MYO9A: variants seen among roughly 807,000 people sequenced by gnomAD.
MYO9A encodes the protein myosin IXA.
MYO9A carries 103 observed loss-of-function variants against 293.3 expected under a neutral mutation model. The ratio of observed to expected loss-of-function variants is 0.35; its 90% CI spans 0.30 to 0.41. The LOEUF is 0.41. Among genes scored for constraint, MYO9A ranks in the 10% least tolerant of loss-of-function variants. The pLI is 1.00. For synonymous variants in MYO9A, 1,001 were observed against 1,035.7 expected, an observed-to-expected ratio of 0.97 and a Z score of 0.64; for missense variants, 2,685 against 3,033.0, an observed-to-expected ratio of 0.89 and a Z score of 2.69.
intron 2 of MYO9A, chr15:72,041,410 C>T (rs948900190): frequency 4.1e-5 from 17 of 417,500 alleles, no homozygotes; most frequent in African/African-American, 3.1e-4. Context: ...ATATTTGGAA[C>T]ATCCACGTTG....
At chr15:72,100,617 G>A (rs527861898) in intron 1 of MYO9A, among the ~76,000 whole-genome samples, 2 of 150,976 alleles carry the variant, frequency 1.3e-5, no homozygotes, top group South Asian at 2.1e-4. Flanking sequence ...CCGCCGCCCC[G>A]TCTGGGATGT....
At chr15:72,066,194 G>T (rs1189945005) in intron 1 of MYO9A, among the ~76,000 whole-genome samples, 2 of 152,114 alleles carry the variant, frequency 1.3e-5, no homozygotes, top group African/African-American at 4.8e-5. Context: ...AGCAGTAATA[G>T]CTGACTAATA....
intron 12 of MYO9A, among the ~76,000 whole-genome samples, chr15:71,977,529 G>A (rs893532636): frequency 6.6e-6 from 1 of 151,946 alleles, no homozygotes; most frequent in Non-Finnish European, 1.5e-5. Context: ...AAGCCACCAC[G>A]TTTGGCCTAT....
chr15:71,856,862 G>A (rs2055885236), intron 34 of MYO9A, among the ~76,000 whole-genome samples: 1 of 152,140 alleles, frequency 6.6e-6, no homozygotes, highest in South Asian at 2.1e-4. Context: ...ATGTGAACTT[G>A]GCTAGGTTAT....
At chr15:71,999,731 T>G (rs1035843227) in intron 9 of MYO9A, 120 bp downstream of exon 9, 9 of 655,602 alleles carry the variant, frequency 1.4e-5, no homozygotes, top group Admixed American at 3.2e-5. Flanking sequence ...GCCTAGAAAA[T>G]ATTTCAATCA....
intron 2 of MYO9A, among the ~76,000 whole-genome samples, chr15:72,035,369 G>A (rs1380504670): frequency 1.0e-5 from 1 of 96,286 alleles, no homozygotes. Flanking sequence ...TGAAAATAAC[G>A]AAATGTCCAC....
intron 16 of MYO9A, 119 bp downstream of exon 16, chr15:71,938,733 G>A (rs1008006239): frequency 1.9e-5 from 16 of 823,126 alleles, no homozygotes; most frequent in Non-Finnish European, 2.7e-5. Flanking sequence ...AAGGATTCAA[G>A]AAATAAAAAA....
rs112404963 is a variant in MYO9A at position 71,856,934 on chromosome 15, G to C, written c.6154-2365C>G. On this transcript the variant is annotated intron_variant, in intron 34 of 41. Coordinates refer to ENST00000356056, the MANE Select transcript of MYO9A (RefSeq NM_006901.4). ...AGAGGGTTGTTGTAGAGATTAAGTT[G>C]AACATACACAGCATGACAACCTGGT... Among the ~76,000 whole-genome samples the C allele has an allele frequency of 7.5e-3, 1,149 of 152,222 alleles. 8 individuals carry two copies. Among genetic ancestry groups the C allele is most frequent in the Middle Eastern group, 0.014 (4 of 292 alleles).
chr15:72,004,696 T>G (rs900852168), intron 8 of MYO9A, among the ~76,000 whole-genome samples: 5 of 152,338 alleles, frequency 3.3e-5, no homozygotes, highest in African/African-American at 1.2e-4. Flanking sequence ...CAAAAACATC[T>G]TCCACAATTA....
At chr15:71,836,363 G>A (rs1288794975) in intron 39 of MYO9A, among the ~76,000 whole-genome samples, 2 of 151,970 alleles carry the variant, frequency 1.3e-5, no homozygotes, top group East Asian at 3.9e-4. Context: ...AAGGAATCTG[G>A]CAAAAGAAGT....
At chr15:72,009,269 T>C (rs1458451602) in intron 7 of MYO9A, among the ~76,000 whole-genome samples, 1 of 152,214 alleles carries the variant, frequency 6.6e-6, no homozygotes, top group Non-Finnish European at 1.5e-5. Context: ...CCAACTTACA[T>C]ATTGTATTAT....
chr15:72,071,770 A>T (rs1413137197), intron 1 of MYO9A, among the ~76,000 whole-genome samples: 1 of 152,030 alleles, frequency 6.6e-6, no homozygotes, highest in Non-Finnish European at 1.5e-5. Context: ...AAATAAAAAT[A>T]AAAAAGAAAT....
At chr15:71,910,254 G>A (rs1163140084) in intron 19 of MYO9A, among the ~76,000 whole-genome samples, 14 of 149,024 alleles carry the variant, frequency 9.4e-5, no homozygotes, top group Admixed American at 2.7e-4. Context: ...CATAAGCTAT[G>A]TACTCTTATT....
intron 31 of MYO9A, among the ~76,000 whole-genome samples, chr15:71,877,823 A>C: frequency 6.6e-6 from 1 of 152,226 alleles, no homozygotes; most frequent in Non-Finnish European, 1.5e-5. Flanking sequence ...CAGTGAACAA[A>C]GTATTGATTA....
chr15:71,844,712 G>A (rs139482302), intron 39 of MYO9A, among the ~76,000 whole-genome samples: 1,846 of 152,282 alleles, frequency 0.012, 56 homozygotes, highest in Admixed American at 0.057. Context: ...AAGAATGCAA[G>A]AAGGAATGGC....
At chr15:72,043,419 A>C (rs913897690) in intron 2 of MYO9A, among the ~76,000 whole-genome samples, 1 of 152,210 alleles carries the variant, frequency 6.6e-6, no homozygotes, top group Non-Finnish European at 1.5e-5. Context: ...TGTAATAGCC[A>C]AAAATTAAAA....
At chr15:72,047,183 T>C (rs2078411956) in intron 1 of MYO9A, among the ~76,000 whole-genome samples, 1 of 152,158 alleles carries the variant, frequency 6.6e-6, no homozygotes, top group South Asian at 2.1e-4. Context: ...GATAGACATA[T>C]ATTTTCAAGG....
chr15:71,932,793 T>G (rs36085614), intron 18 of MYO9A, among the ~76,000 whole-genome samples: 10,117 of 152,210 alleles, frequency 0.066, 486 homozygotes, highest in Non-Finnish European at 0.1. Context: ...GTAATTATTT[T>G]GAGATTCATT....
chr15:72,039,766 T>C (rs1482859304), intron 2 of MYO9A, among the ~76,000 whole-genome samples: 2 of 151,912 alleles, frequency 1.3e-5, no homozygotes, highest in Non-Finnish European at 2.9e-5. Context: ...CAAGTGGAGG[T>C]TGCAGTGAGC....
Sources: gnomAD v4.1 joint callset for allele counts (sites outside exome capture counted in the v4.1 genomes callset) on GRCh38, gnomAD v4.1.1 for gene constraint, MANE v1.5 for transcripts, NCBI Gene and HGNC (gene_info 2026-07-23, HGNC 2026-07-21) for gene names.